Variants in CNTN6 observed in about 807,000 individuals in gnomAD.
CNTN6 encodes the protein contactin-6.
A neutral mutation model predicts 122.8 loss-of-function variants in CNTN6; 137 were observed. That is an observed-to-expected ratio of 1.12 (90% CI 0.97 to 1.29). CNTN6 has a LOEUF of 1.29. Ranked by LOEUF, CNTN6 falls within the 50% of genes most tolerant of loss-of-function variation. CNTN6 has a pLI of 0.00. For synonymous variants in CNTN6, 570 were observed against 426.0 expected (o/e 1.34, Z -4.16); for missense variants, 1,634 against 1,223.4 (o/e 1.34, Z -5.01).
intron 1 of CNTN6, among the ~76,000 whole-genome samples, chr3:1,133,257 G>C (rs2092386437): frequency 6.6e-6 from 1 of 152,136 alleles, no homozygotes; most frequent in South Asian, 2.1e-4. Flanking sequence ...ATTCCAAGGA[G>C]ATGGACCAAC....
chr3:1,336,413 G>A (rs555469374), intron 11 of CNTN6, among the ~76,000 whole-genome samples: 1 of 151,788 alleles, frequency 6.6e-6, no homozygotes, highest in Non-Finnish European at 1.5e-5. Context: ...AAACACAAAG[G>A]CATTTTTAAA....
intron 1 of CNTN6, among the ~76,000 whole-genome samples, chr3:1,114,652 G>A (rs2091633703): frequency 6.6e-6 from 1 of 151,962 alleles, no homozygotes; most frequent in South Asian, 2.1e-4. Context: ...ACCAGAAAAG[G>A]CAAAAGATAA....
At chr3:1,096,757 C>T (rs1443952152) in intron 1 of CNTN6, among the ~76,000 whole-genome samples, 2 of 152,052 alleles carry the variant, frequency 1.3e-5, no homozygotes, top group East Asian at 3.9e-4. Context: ...AAGTACTGAT[C>T]GGTTTTCTCT....
chr3:1,122,830 A>C (rs1007837117), intron 1 of CNTN6, among the ~76,000 whole-genome samples: 1 of 151,758 alleles, frequency 6.6e-6, no homozygotes, highest in African/African-American at 2.4e-5. Context: ...ACATATCACA[A>C]TTTGTTTGTT....
chr3:1,239,999 C>G (rs1165115133), intron 4 of CNTN6, among the ~76,000 whole-genome samples: 1 of 152,038 alleles, frequency 6.6e-6, no homozygotes, highest in East Asian at 1.9e-4. Context: ...GGATCCTCAT[C>G]TCTCACCTTA....
intron 2 of CNTN6, among the ~76,000 whole-genome samples, chr3:1,200,187 C>T (rs2093841804): frequency 6.6e-6 from 1 of 152,162 alleles, no homozygotes. Context: ...GTGTGTGCCA[C>T]CACGCCTGGC....
At chr3:1,401,583 G>A (rs779111463) in intron 21 of CNTN6, 38 bp downstream of exon 21, 1 of 1,403,806 alleles carries the variant, frequency 7.1e-7, no homozygotes, top group African/African-American at 1.4e-5. Context: ...TATCAATTAA[G>A]TTACTAAGGA....
chr3:1,176,128 A>G (rs2093443382), intron 2 of CNTN6, among the ~76,000 whole-genome samples: 1 of 152,200 alleles, frequency 6.6e-6, no homozygotes, highest in South Asian at 2.1e-4. Flanking sequence ...AGTTGTGATG[A>G]ATTTGGGAAT....
chr3:1,247,220 T>C (rs1419911688), intron 4 of CNTN6, among the ~76,000 whole-genome samples: 1 of 152,174 alleles, frequency 6.6e-6, no homozygotes, highest in Non-Finnish European at 1.5e-5. Context: ...TATACAATTT[T>C]TTTCTATAGG....
intron 1 of CNTN6, among the ~76,000 whole-genome samples, chr3:1,107,714 G>A (rs1316054804): frequency 6.6e-6 from 1 of 151,948 alleles, no homozygotes. Flanking sequence ...AGCTCTCATG[G>A]TAGGTGCTAA....
At chr3:1,249,028 C>G (rs959388982) in intron 4 of CNTN6, among the ~76,000 whole-genome samples, 1 of 152,052 alleles carries the variant, frequency 6.6e-6, no homozygotes, top group Non-Finnish European at 1.5e-5. Flanking sequence ...AAGTGAGGCC[C>G]AAGATTCTAC....
intron 1 of CNTN6, among the ~76,000 whole-genome samples, chr3:1,143,345 C>T (rs559913589): frequency 6.6e-5 from 10 of 152,196 alleles, no homozygotes; most frequent in Non-Finnish European, 1.0e-4. Flanking sequence ...ACTCACTGCT[C>T]TGGGCCAAAT....
At chr3:1,158,855 T>C (rs1398608849) in intron 2 of CNTN6, among the ~76,000 whole-genome samples, 1 of 118,152 alleles carries the variant, frequency 8.5e-6, no homozygotes, top group African/African-American at 4.2e-5. Flanking sequence ...TATACATACA[T>C]ATATATACAC....
At chr3:1,157,460 G>T (rs756029293) in intron 2 of CNTN6, among the ~76,000 whole-genome samples, 1 of 151,746 alleles carries the variant, frequency 6.6e-6, no homozygotes, top group Non-Finnish European at 1.5e-5. Context: ...CAGGTGATCT[G>T]CCCGCCTTGG....
chr3:1,376,121 C>T (rs902781978), intron 16 of CNTN6, among the ~76,000 whole-genome samples: 3 of 151,972 alleles, frequency 2.0e-5, no homozygotes, highest in South Asian at 4.1e-4. Context: ...GCTGATTTAG[C>T]GATTATCACA....
At chr3:1,238,061 A>G (rs2094442348) in intron 4 of CNTN6, among the ~76,000 whole-genome samples, 1 of 152,184 alleles carries the variant, frequency 6.6e-6, no homozygotes, top group African/African-American at 2.4e-5. Context: ...ACAAAATAGC[A>G]CGGTGAATAG....
intron 2 of CNTN6, among the ~76,000 whole-genome samples, chr3:1,183,444 A>AT (rs1345007698): frequency 1.3e-5 from 2 of 150,294 alleles, no homozygotes; most frequent in East Asian, 3.9e-4. Flanking sequence ...GGCCATGACC[A>AT]TATTTTTTTT....
intron 19 of CNTN6, among the ~76,000 whole-genome samples, chr3:1,384,801 A>ACG (rs1692598543): frequency 7.5e-6 from 1 of 134,082 alleles, no homozygotes; most frequent in Non-Finnish European, 1.6e-5. Context: ...ATATATACAC[A>ACG]CACACACACA....
intron 11 of CNTN6, among the ~76,000 whole-genome samples, chr3:1,344,195 A>T (rs1023430229): frequency 6.6e-6 from 1 of 152,232 alleles, no homozygotes; most frequent in East Asian, 1.9e-4. Context: ...GTTCCGCAGG[A>T]AACAGTGCTC....
Sources: gnomAD v4.1 joint callset for allele counts (sites outside exome capture counted in the v4.1 genomes callset) on GRCh38, gnomAD v4.1.1 for gene constraint, MANE v1.5 for transcripts, NCBI Gene and HGNC (gene_info 2026-07-23, HGNC 2026-07-21) for gene names.